Variants in APBA2 observed in about 807,000 individuals in gnomAD.
The protein encoded by APBA2 is amyloid beta precursor protein binding family A member 2.
Under a neutral mutation model 75.0 loss-of-function variants are expected in APBA2, and 30 were observed. That is an observed-to-expected ratio of 0.40 (90% confidence interval 0.30 to 0.54). The LOEUF is 0.54. Among genes scored for constraint, APBA2 ranks in the 20% least tolerant of loss-of-function variants. The pLI, the probability that APBA2 is intolerant of heterozygous loss-of-function variation, is 0.49. For synonymous variants in APBA2, 444 were observed against 409.6 expected (o/e 1.08, Z -1.01); for missense variants, 801 against 1,016.1 (o/e 0.79, Z 2.88).
Position 29,031,476 on chromosome 15 carries a change from CT to C in APBA2, c.-40-22359del, listed in dbSNP as rs918981973. Among the ~76,000 whole-genome samples the C allele has an allele frequency of 5.3e-3, 791 of 149,566 alleles. 7 individuals carry two copies. The highest frequency in any genetic ancestry group is 0.018 in the African/African-American group (726 of 40,766). On this transcript the variant is annotated intron_variant, in intron 3 of 14. Transcript: ENST00000683413. ...GGTCTCTCTGTGTACCCCAATTTAT[CT>C]TTTTTTTTTGAGATGGAGTTTTGCT...
intron 4 of APBA2, among the ~76,000 whole-genome samples, chr15:29,065,608 G>A (rs1489947710): frequency 6.6e-6 from 1 of 152,174 alleles, no homozygotes; most frequent in Non-Finnish European, 1.5e-5. Flanking sequence ...GAGCCCTCTG[G>A]GCTGATAGAG....
chr15:29,068,102 G>T (rs1168991455), intron 4 of APBA2, among the ~76,000 whole-genome samples: 1 of 152,244 alleles, frequency 6.6e-6, no homozygotes, highest in African/African-American at 2.4e-5. Context: ...CTCAGAATGT[G>T]TGCAGGGCTC....
intron 13 of APBA2, among the ~76,000 whole-genome samples, chr15:29,112,762 A>G (rs1317208301): frequency 6.6e-6 from 1 of 152,210 alleles, no homozygotes; most frequent in African/African-American, 2.4e-5. Flanking sequence ...TGTGGCAGTC[A>G]GTCCATCTGC....
At chr15:29,061,113 T>C (rs899438501) in intron 4 of APBA2, among the ~76,000 whole-genome samples, 1 of 152,150 alleles carries the variant, frequency 6.6e-6, no homozygotes, top group Non-Finnish European at 1.5e-5. Context: ...AAGATCCTAG[T>C]TCTGTGGGTC....
chr15:28,945,408 G>A (rs887058445), intron 2 of APBA2, among the ~76,000 whole-genome samples: 1 of 152,148 alleles, frequency 6.6e-6, no homozygotes, highest in African/African-American at 2.4e-5. Context: ...CAGCACTCAG[G>A]ATTTGGGGGT....
chr15:29,033,195 C>T (rs757819077), intron 3 of APBA2, among the ~76,000 whole-genome samples: 8 of 152,036 alleles, frequency 5.3e-5, no homozygotes, highest in Non-Finnish European at 8.8e-5. Flanking sequence ...TCCAGAAGGA[C>T]GATCTGGGAT....
Position 29,046,577 on chromosome 15 carries a change from G to A in APBA2, c.-40-7268G>A, listed in dbSNP as rs1595823210. ...AGAGACCTGCAAGCATCTACTTAGG[G>A]CAGAGTTTTCAAGTGCAGTCTTTGG... On this transcript the variant is annotated intron_variant, in intron 3 of 14. Coordinates refer to ENST00000683413, the MANE Select transcript of APBA2 (RefSeq NM_001353788.2). This position sits in a 1 kb window ranked among gnomAD's most constrained non-coding sequence, Gnocchi z 5.0. Among the ~76,000 whole-genome samples, 1 of 152,216 alleles carries A rather than the reference G, an allele frequency of 6.6e-6. No homozygotes were observed. The highest frequency in any genetic ancestry group is 2.1e-4 in the South Asian group (1 of 4,832).
Position 29,094,266 on chromosome 15 carries a change from C to G in APBA2, c.1216-12C>G. ...TGCCAACTTGTTTTTCTTTTCTCTT[C>G]CATGCTGTCAGAGGATGCAAAAGGC... On this transcript the variant is annotated splice_polypyrimidine_tract_variant and intron_variant, in intron 7 of 14. Transcript: ENST00000683413. 1 of 1,614,180 alleles carries G rather than the reference C, an allele frequency of 6.2e-7. No individual in the cohort carries two copies.
intron 3 of APBA2, among the ~76,000 whole-genome samples, chr15:29,045,670 G>C (rs60895983): frequency 0.039 from 5,922 of 152,190 alleles, 241 homozygotes; most frequent in East Asian, 0.19. Flanking sequence ...GTAAGGTCTC[G>C]GCTATGCAAA....
intron 3 of APBA2, among the ~76,000 whole-genome samples, chr15:29,014,383 A>G (rs1408464149): frequency 6.6e-6 from 1 of 152,252 alleles, no homozygotes; most frequent in Non-Finnish European, 1.5e-5. Flanking sequence ...ATTCATTTAT[A>G]GCTCTAATAA....
At chr15:28,915,240 A>G (rs1370160336) in intron 1 of APBA2, among the ~76,000 whole-genome samples, 41 of 78,548 alleles carry the variant, frequency 5.2e-4, no homozygotes, top group Middle Eastern at 6.1e-3. Context: ...CATACCCCAT[A>G]TATACCACAC....
intron 1 of APBA2, among the ~76,000 whole-genome samples, chr15:28,915,764 CTACAT>C (rs2033662529): frequency 6.7e-6 from 1 of 149,722 alleles, no homozygotes; most frequent in Non-Finnish European, 1.5e-5. Flanking sequence ...CTCTTCCACA[CTACAT>C]TACACTCCAC....
At chr15:28,992,184 C>T (rs901903765) in intron 2 of APBA2, among the ~76,000 whole-genome samples, 2 of 152,134 alleles carry the variant, frequency 1.3e-5, no homozygotes, top group African/African-American at 4.8e-5. Flanking sequence ...GGGGTTCCGT[C>T]AAGTTTCTCT....
Position 28,918,556 on chromosome 15 carries a change from C to T in APBA2, c.-204-3084C>T, listed in dbSNP as rs979562691. ...CCCTTTGGTCGCCCCCTGGCGTCCG[C>T]GTCATTGTGGGAACACTCGGGCGGG... On this transcript the variant is annotated intron_variant, in intron 1 of 14. Transcript: ENST00000683413. This position sits in a 1 kb window ranked among gnomAD's most constrained non-coding sequence, Gnocchi z 4.2. Among the ~76,000 whole-genome samples the T allele has an allele frequency of 6.8e-6, 1 of 146,944 alleles. No homozygotes were observed. Among genetic ancestry groups the T allele is most frequent in the Non-Finnish European group, 1.5e-5 (1 of 67,258 alleles).
chr15:29,025,905 C>T lies in APBA2; in HGVS notation c.-40-27940C>T, dbSNP rs547312324. Among the ~76,000 whole-genome samples the T allele has an allele frequency of 6.7e-5, 10 of 150,122 alleles. No homozygotes were observed. The East Asian group carries it at 1.4e-3, about 21-fold the overall frequency. On this transcript the variant is annotated intron_variant, in intron 3 of 14. Coordinates refer to ENST00000683413, the MANE Select transcript of APBA2 (RefSeq NM_001353788.2). Reference sequence around the variant, plus strand: ...GGCAGAGGTTGCAGTGAGCCAAGATCGTGCCACTGCACTCCAGCCTGGGCG... The same window carrying T: ...GGCAGAGGTTGCAGTGAGCCAAGATTGTGCCACTGCACTCCAGCCTGGGCG...
At chr15:28,904,018 T>A (rs1464771890) in intron 1 of APBA2, among the ~76,000 whole-genome samples, 1 of 152,200 alleles carries the variant, frequency 6.6e-6, no homozygotes, top group Non-Finnish European at 1.5e-5. Flanking sequence ...AGTGATCCAA[T>A]ATAGGCAACT....
At chr15:28,886,883 T>C (rs2031775731) in intron 1 of APBA2, among the ~76,000 whole-genome samples, 1 of 152,172 alleles carries the variant, frequency 6.6e-6, no homozygotes, top group African/African-American at 2.4e-5. Flanking sequence ...CCTGGCCCCT[T>C]CCCCATGGCA....
chr15:29,116,933 C>G, intron 14 of APBA2, 129 bp from the exon 15 acceptor site: 1 of 1,028,110 alleles, frequency 9.7e-7, no homozygotes, highest in Non-Finnish European at 1.5e-6. Flanking sequence ...GGCTGGCCTT[C>G]CTCCTTCACT....
At chr15:28,985,669 T>A (rs2037882721) in intron 2 of APBA2, among the ~76,000 whole-genome samples, 1 of 152,194 alleles carries the variant, frequency 6.6e-6, no homozygotes, top group Non-Finnish European at 1.5e-5. Flanking sequence ...AAATAAGTGG[T>A]CTTCAGTAGT....
Sources: gnomAD v4.1 joint callset for allele counts (sites outside exome capture counted in the v4.1 genomes callset) on GRCh38, gnomAD v4.1.1 for gene constraint, Gnocchi (gnomAD v3.1) non-coding constraint, MANE v1.5 for transcripts, NCBI Gene and HGNC (gene_info 2026-07-23, HGNC 2026-07-21) for gene names.